The following ZNF438 variants were observed in gnomAD, a reference collection of about 807,000 sequenced individuals.
ZNF438 encodes zinc finger protein 438.
ZNF438 carries 25 observed loss-of-function variants against 38.0 expected under a neutral mutation model. That is an observed-to-expected ratio of 0.66 (90% confidence interval 0.48 to 0.92). The LOEUF (loss-of-function observed/expected upper bound fraction) is 0.92, where lower values mean the gene tolerates loss of function less well. ZNF438 is among the 40% of genes least tolerant of loss of function. The probability of loss-of-function intolerance (pLI) is 0.00; values close to 1 mark genes in which losing one functional copy is unlikely to be tolerated. For synonymous variants in ZNF438, 372 were observed against 364.1 expected, an observed-to-expected ratio of 1.02 and a Z score of -0.25; for missense variants, 1,007 against 999.6, an observed-to-expected ratio of 1.01 and a Z score of -0.10.
intron 1 of ZNF438, among the ~76,000 whole-genome samples, chr10:30,975,674 C>T (rs929919771): frequency 6.6e-5 from 10 of 151,720 alleles, no homozygotes; most frequent in African/African-American, 2.2e-4. Context: ...AGAAATAGTT[C>T]GAATGTGGGC....
intron 3 of ZNF438, among the ~76,000 whole-genome samples, chr10:30,906,985 T>C (rs1399988206): frequency 6.6e-6 from 1 of 152,230 alleles, no homozygotes; most frequent in Non-Finnish European, 1.5e-5. Flanking sequence ...TTTTTCTTTG[T>C]TAGTTTAAGA....
At chr10:31,001,716 T>C (rs1235660679) in intron 1 of ZNF438, among the ~76,000 whole-genome samples, 2 of 152,226 alleles carry the variant, frequency 1.3e-5, no homozygotes, top group African/African-American at 2.4e-5. Flanking sequence ...AATTGCACTT[T>C]AGTGATCATG....
At chr10:30,940,339 G>A (rs1391079661) in intron 2 of ZNF438, among the ~76,000 whole-genome samples, 2 of 152,136 alleles carry the variant, frequency 1.3e-5, no homozygotes, top group African/African-American at 2.4e-5. Flanking sequence ...TGCCACAACG[G>A]TGATACAAAC....
At chr10:30,970,145 T>C (rs868815173) in intron 1 of ZNF438, among the ~76,000 whole-genome samples, 34 of 139,724 alleles carry the variant, frequency 2.4e-4, no homozygotes, top group South Asian at 1.4e-3. Flanking sequence ...CACACACACA[T>C]ATACACACAC....
At chr10:30,925,496 A>G (rs957671453) in intron 2 of ZNF438, among the ~76,000 whole-genome samples, 4 of 152,250 alleles carry the variant, frequency 2.6e-5, no homozygotes, top group African/African-American at 9.6e-5. Context: ...GAGATGCAAT[A>G]TAGTATTATG....
chr10:30,921,393 T>C lies in ZNF438; in HGVS notation c.-114-12378A>G, dbSNP rs118111682. Among the ~76,000 whole-genome samples, 51 of 152,348 alleles carry C rather than the reference T, an allele frequency of 3.3e-4. No homozygotes were observed. The East Asian group carries it at 9.4e-3, about 28-fold the overall frequency. ...AGTTGAAGGACTATTTGGACAGATA[T>C]AAAAATCTGTAAGTTACCTATCCTT... On this transcript the variant is annotated intron_variant, in intron 2 of 5. Coordinates refer to ENST00000413025, the Ensembl canonical transcript of ZNF438.
intron 1 of ZNF438, among the ~76,000 whole-genome samples, chr10:30,944,825 A>T (rs1367633016): frequency 6.6e-6 from 1 of 152,206 alleles, no homozygotes; most frequent in Non-Finnish European, 1.5e-5. Flanking sequence ...TATTTCATTA[A>T]ACTGTCGAAT....
intron 1 of ZNF438, among the ~76,000 whole-genome samples, chr10:31,017,308 T>C (rs2056270740): frequency 6.6e-6 from 1 of 152,250 alleles, no homozygotes; most frequent in African/African-American, 2.4e-5. Flanking sequence ...TTTTTTCTTT[T>C]CCATTATCCT....
At chr10:30,965,027 A>G (rs993433940) in intron 1 of ZNF438, among the ~76,000 whole-genome samples, 7 of 152,178 alleles carry the variant, frequency 4.6e-5, no homozygotes. Flanking sequence ...GGGAGAAAAT[A>G]TTCAAAAACT....
At chr10:30,873,136 T>A (rs2037765315) in intron 4 of ZNF438, among the ~76,000 whole-genome samples, 1 of 152,154 alleles carries the variant, frequency 6.6e-6, no homozygotes, top group South Asian at 2.1e-4. Context: ...AAAACACAGT[T>A]TAGCTCATCA....
Position 30,954,844 on chromosome 10 carries a change from A to G in ZNF438, c.-191-13193T>C, listed in dbSNP as rs144392853. Among the ~76,000 whole-genome samples the G allele has an allele frequency of 4.4e-3, 674 of 152,312 alleles. 2 individuals carry two copies. Among genetic ancestry groups the G allele is most frequent in the Non-Finnish European group, 5.2e-3 (351 of 68,034 alleles). ...CAGGCTTTTGGACTCTCAAATTTCT[A>G]CAGGCAGAAAGGCTGAAAAGGCTAC... On this transcript the variant is annotated intron_variant, in intron 1 of 5. Coordinates refer to ENST00000413025, the Ensembl canonical transcript of ZNF438.
intron 1 of ZNF438, among the ~76,000 whole-genome samples, chr10:30,980,810 G>T (rs962272847): frequency 6.6e-6 from 1 of 152,168 alleles, no homozygotes; most frequent in Non-Finnish European, 1.5e-5. Context: ...GATAGCAAAG[G>T]AGATTTTGTA....
rs74318602 is a variant in ZNF438, at chr10:30,987,616, C to A, written c.-192+44217G>T. ...GCCTTTAATTAGCGTTAGATTAGGTCATGTTGGTGGGGCCCTCCTGATGAG... is the reference window on the plus strand; with the variant it reads ...GCCTTTAATTAGCGTTAGATTAGGTAATGTTGGTGGGGCCCTCCTGATGAG... On this transcript the variant is annotated intron_variant, in intron 1 of 5. Coordinates refer to ENST00000413025, the Ensembl canonical transcript of ZNF438. Among the ~76,000 whole-genome samples, 613 of 152,182 alleles carry A rather than the reference C, an allele frequency of 4.0e-3. 7 individuals are homozygous for A. Among genetic ancestry groups the A allele is most frequent in the African/African-American group, 0.014 (575 of 41,526 alleles).
At chr10:30,925,165 A>G (rs76437515) in intron 2 of ZNF438, among the ~76,000 whole-genome samples, 12,643 of 152,042 alleles carry the variant, frequency 0.083, 604 homozygotes, top group Non-Finnish European at 0.11. Flanking sequence ...CCATTCCTAC[A>G]TCTTTTCTTG....
intron 1 of ZNF438, among the ~76,000 whole-genome samples, chr10:31,017,565 G>A (rs1358987214): frequency 5.3e-5 from 8 of 152,184 alleles, no homozygotes; most frequent in African/African-American, 1.4e-4. Flanking sequence ...CACAACTAAG[G>A]ATTTAATCTG....
At chr10:30,898,698 A>G (rs2041648375) in intron 3 of ZNF438, among the ~76,000 whole-genome samples, 1 of 152,110 alleles carries the variant, frequency 6.6e-6, no homozygotes, top group African/African-American at 2.4e-5. Flanking sequence ...TTGATTTTCA[A>G]GTAGTCTTTT....
At position 30,914,058 on chromosome 10, in the gene ZNF438, A is replaced by C. The variant is rs558073880; in HGVS notation, c.-114-5043T>G. 4.4e-4 allele frequency among the ~76,000 whole-genome samples: 67 copies of C among 152,286 alleles called. 1 individual carries two copies. The highest frequency in any genetic ancestry group is 1.6e-3 in the African/African-American group (65 of 41,556). Reference sequence around the variant, plus strand: ...TGCTTCACATTTTATGTGTGCGTATAAACTAAAAATCAAAATTGATTTTAA... The same window carrying C: ...TGCTTCACATTTTATGTGTGCGTATCAACTAAAAATCAAAATTGATTTTAA... On this transcript the variant is annotated intron_variant, in intron 2 of 5. Transcript: ENST00000413025.
intron 1 of ZNF438, among the ~76,000 whole-genome samples, chr10:30,981,460 C>T (rs1253775487): frequency 6.6e-6 from 1 of 152,184 alleles, no homozygotes; most frequent in Non-Finnish European, 1.5e-5. Context: ...TCCGCCTCCC[C>T]ATCTCAGAAT....
At chr10:30,888,386 T>C (rs1055927726) in intron 3 of ZNF438, among the ~76,000 whole-genome samples, 1 of 116,254 alleles carries the variant, frequency 8.6e-6, no homozygotes, top group African/African-American at 4.1e-5. Context: ...GCTTTTATTT[T>C]AGGTTCAGGA....
Sources: gnomAD v4.1 joint callset for allele counts (sites outside exome capture counted in the v4.1 genomes callset) on GRCh38, gnomAD v4.1.1 for gene constraint, MANE v1.5 for transcripts, NCBI Gene and HGNC (gene_info 2026-07-23, HGNC 2026-07-21) for gene names.